The following DCC variants were observed in gnomAD, a reference collection of about 807,000 sequenced individuals.
DCC encodes the protein netrin receptor DCC.
Under a neutral mutation model 172.5 loss-of-function variants are expected in DCC, and 58 were observed. That is an observed-to-expected ratio of 0.34 (90% confidence interval 0.27 to 0.42). The LOEUF is 0.42. DCC is among the 10% of genes least tolerant of loss of function. DCC has a pLI of 1.00. For missense variants in DCC, 1,740 were observed against 1,791.0 expected (o/e 0.97, Z 0.51); for synonymous variants, 709 against 644.5 (o/e 1.10, Z -1.52).
intron 21 of DCC, among the ~76,000 whole-genome samples, chr18:53,421,387 A>T (rs1315579977): frequency 6.6e-6 from 1 of 152,188 alleles, no homozygotes; most frequent in Non-Finnish European, 1.5e-5. Flanking sequence ...TACAAAGAAA[A>T]TGCTCACTTT....
chr18:52,815,355 C>T (rs1188737753), intron 2 of DCC, among the ~76,000 whole-genome samples: 1 of 151,876 alleles, frequency 6.6e-6, no homozygotes, highest in East Asian at 1.9e-4. Context: ...GTCCAGGGCC[C>T]TTATTAAAAG....
intron 1 of DCC, among the ~76,000 whole-genome samples, chr18:52,620,046 CG>C (rs2034451642): frequency 6.6e-6 from 1 of 152,202 alleles, no homozygotes; most frequent in Non-Finnish European, 1.5e-5. Context: ...GAGGCCCCCT[CG>C]TAATTTATAT....
intron 2 of DCC, among the ~76,000 whole-genome samples, chr18:52,857,162 T>G (rs1173951960): frequency 6.6e-6 from 1 of 152,242 alleles, no homozygotes; most frequent in Non-Finnish European, 1.5e-5. Flanking sequence ...TTAAATAGAT[T>G]CAATACTCTG....
At chr18:53,343,739 TTTC>T (rs2057688538) in intron 15 of DCC, among the ~76,000 whole-genome samples, 1 of 152,030 alleles carries the variant, frequency 6.6e-6, no homozygotes, top group African/African-American at 2.4e-5. Context: ...ATTTTATTTA[TTTC>T]TTAAGTATTT....
chr18:52,524,920 T>C (rs1337477355), intron 1 of DCC, among the ~76,000 whole-genome samples: 1 of 152,108 alleles, frequency 6.6e-6, no homozygotes, highest in Non-Finnish European at 1.5e-5. Context: ...ATAGAAGGAA[T>C]ACAATTTTGA....
intron 5 of DCC, chr18:52,940,932 T>A (rs1022031560): frequency 6.6e-6 from 1 of 152,122 alleles, no homozygotes; most frequent in Non-Finnish European, 1.5e-5. Flanking sequence ...AAAGTTCTAC[T>A]GAGTACATTC....
intron 22 of DCC, among the ~76,000 whole-genome samples, chr18:53,443,282 A>G (rs1459274854): frequency 6.6e-6 from 1 of 152,188 alleles, no homozygotes; most frequent in South Asian, 2.1e-4. Flanking sequence ...CTTATTTACT[A>G]TTCTGAAAAT....
At chr18:52,685,223 C>T (rs1464852685) in intron 1 of DCC, among the ~76,000 whole-genome samples, 1 of 151,978 alleles carries the variant, frequency 6.6e-6, no homozygotes, top group African/African-American at 2.4e-5. Flanking sequence ...TTGCCTTTCC[C>T]ATTTTGTTTC....
intron 12 of DCC, among the ~76,000 whole-genome samples, chr18:53,303,562 G>T (rs1462493097): frequency 1.3e-5 from 2 of 152,198 alleles, no homozygotes; most frequent in Middle Eastern, 3.2e-3. Flanking sequence ...GTAGTGAAAT[G>T]GGAGAATTAC....
intron 12 of DCC, among the ~76,000 whole-genome samples, chr18:53,235,208 T>G (rs559082036): frequency 9.2e-5 from 14 of 152,210 alleles, no homozygotes; most frequent in Non-Finnish European, 2.1e-4. Context: ...ATTTTTTATT[T>G]AGTTACCTAA....
chr18:53,130,718 C>T (rs2043638738), intron 7 of DCC, among the ~76,000 whole-genome samples: 1 of 152,144 alleles, frequency 6.6e-6, no homozygotes, highest in African/African-American at 2.4e-5. Flanking sequence ...GGGTCCTTTG[C>T]TTCCCAACCA....
intron 5 of DCC, among the ~76,000 whole-genome samples, chr18:52,993,136 A>G (rs2041422641): frequency 6.6e-6 from 1 of 152,194 alleles, no homozygotes; most frequent in South Asian, 2.1e-4. Context: ...AAGTTAGAAA[A>G]TATCTCTGAC....
chr18:53,325,484 G>C (rs776027769), intron 14 of DCC, among the ~76,000 whole-genome samples: 1 of 152,156 alleles, frequency 6.6e-6, no homozygotes, highest in Non-Finnish European at 1.5e-5. Flanking sequence ...TCCTGACTCT[G>C]AATGAGTCAC....
At chr18:53,400,345 G>A (rs1409680477) in intron 18 of DCC, among the ~76,000 whole-genome samples, 1 of 152,112 alleles carries the variant, frequency 6.6e-6, no homozygotes, top group African/African-American at 2.4e-5. Flanking sequence ...ACTTATGATT[G>A]GCTCAAAGTG....
chr18:53,208,111 T>TG (rs1341750593), intron 11 of DCC, among the ~76,000 whole-genome samples: 1 of 151,150 alleles, frequency 6.6e-6, no homozygotes, highest in Non-Finnish European at 1.5e-5. Context: ...AAATGTTTTT[T>TG]TTTTTTTTTT....
intron 7 of DCC, among the ~76,000 whole-genome samples, chr18:53,086,822 G>A (rs574611668): frequency 8.4e-4 from 107 of 127,728 alleles, no homozygotes; most frequent in South Asian, 1.4e-3. Flanking sequence ...TTATTGTTCA[G>A]TTCCCACCTA....
intron 1 of DCC, among the ~76,000 whole-genome samples, chr18:52,439,940 G>A (rs1987923570): frequency 6.6e-6 from 1 of 152,082 alleles, no homozygotes. Context: ...AAGGTATAAG[G>A]AAATAAACGG....
intron 7 of DCC, among the ~76,000 whole-genome samples, chr18:53,075,060 T>A (rs1189918160): frequency 1.3e-5 from 2 of 151,122 alleles, no homozygotes; most frequent in Non-Finnish European, 2.9e-5. Flanking sequence ...TTTATTGGGA[T>A]GGATAAAATG....
At chr18:53,366,990 C>A (rs1300567247) in intron 15 of DCC, among the ~76,000 whole-genome samples, 1 of 152,148 alleles carries the variant, frequency 6.6e-6, no homozygotes, top group Non-Finnish European at 1.5e-5. Context: ...TAAGCTGCTG[C>A]ATTTTGGTGT....
Sources: allele counts gnomAD v4.1 joint callset (sites outside exome capture counted in the v4.1 genomes callset), GRCh38; gene constraint gnomAD v4.1.1; transcripts MANE v1.5; gene names NCBI Gene and HGNC (gene_info 2026-07-23, HGNC 2026-07-21).